FAM118A: variants seen among roughly 807,000 people sequenced by gnomAD.
FAM118A encodes SIR2 antiphage like 2, also known as protein FAM118A.
FAM118A carries 25 observed loss-of-function variants against 38.2 expected under a neutral mutation model. The ratio of observed to expected loss-of-function variants is 0.65; its 90% CI spans 0.48 to 0.91. The LOEUF (loss-of-function observed/expected upper bound fraction) is 0.91. Among genes scored for constraint, FAM118A ranks in the 40% least tolerant of loss-of-function variants. FAM118A has a pLI of 0.00. For synonymous variants in FAM118A, 178 were observed against 184.1 expected (o/e 0.97, Z 0.27); for missense variants, 425 against 463.3 (o/e 0.92, Z 0.76).
intron 3 of FAM118A, among the ~76,000 whole-genome samples, chr22:45,326,823 TCAAAAAAAA>T (rs2085302216): frequency 1.2e-5 from 1 of 82,298 alleles, no homozygotes; most frequent in African/African-American, 5.8e-5. Flanking sequence ...AGACTCTGTC[TCAAAAAAAA>T]AAAAAAAAAA....
intron 3 of FAM118A, among the ~76,000 whole-genome samples, chr22:45,327,294 G>A (rs961217287): frequency 4.0e-5 from 6 of 151,712 alleles, no homozygotes; most frequent in Admixed American, 1.3e-4. Flanking sequence ...AAGGTGCCAC[G>A]AAGACACGCT....
At chr22:45,337,600 T>G (rs570101546) in intron 8 of FAM118A, among the ~76,000 whole-genome samples, 1 of 152,052 alleles carries the variant, frequency 6.6e-6, no homozygotes, top group African/African-American at 2.4e-5. Context: ...AATAAGAAAT[T>G]TTTTTTTAAA....
intron 1 of FAM118A, among the ~76,000 whole-genome samples, chr22:45,311,242 C>T (rs1366069881): frequency 6.6e-6 from 1 of 152,186 alleles, no homozygotes; most frequent in Non-Finnish European, 1.5e-5. Flanking sequence ...GCCAGTATGT[C>T]AAAAGGCAGA....
At chr22:45,329,534 C>G (rs1360403272) in intron 4 of FAM118A, 1 of 152,246 alleles carries the variant, frequency 6.6e-6, no homozygotes, top group Admixed American at 6.5e-5. Context: ...TGTGTGTCTG[C>G]TTATGTTATT....
At chr22:45,320,075 G>A (rs148691700) in intron 1 of FAM118A, among the ~76,000 whole-genome samples, 1 of 152,330 alleles carries the variant, frequency 6.6e-6, no homozygotes, top group Non-Finnish European at 1.5e-5. Flanking sequence ...CTTATGGACT[G>A]ATTAAGCCTT....
chr22:45,313,069 G>A (rs1453393127), intron 1 of FAM118A, among the ~76,000 whole-genome samples: 2 of 152,028 alleles, frequency 1.3e-5, no homozygotes, highest in Middle Eastern at 3.2e-3. Context: ...AGCTGCCCAG[G>A]GCCTATCTGC....
Position 45,332,645 on chromosome 22 carries a change from G to C in FAM118A, c.872G>C (p.Cys291Ser), listed in dbSNP as rs186448928. Reference protein sequence around the residue: ...HGIKVVSYGDCFDHFPGYVQD... With the variant: ...HGIKVVSYGDSFDHFPGYVQD... ...ATCAAAGTTGTATCCTACGGGGACT[G>C]TTTTGACCACTTTCCAGGATATGTG... Residue 291 changes from cysteine (C) to serine (S), a missense_variant, in exon 6 of 9, where the codon TGT becomes TCT. Physicochemically the swap from Cys to Ser is moderately radical, Grantham distance 112. Coordinates refer to ENST00000441876, the MANE Select transcript of FAM118A (RefSeq NM_017911.4). 1 of 1,614,184 alleles carries C rather than the reference G, an allele frequency of 6.2e-7. No individual in the cohort carries two copies. The highest frequency in any genetic ancestry group is 2.2e-5 in the East Asian group (1 of 44,896).
At chr22:45,313,804 T>A (rs932158912) in intron 1 of FAM118A, among the ~76,000 whole-genome samples, 4 of 152,220 alleles carry the variant, frequency 2.6e-5, no homozygotes, top group African/African-American at 9.7e-5. Flanking sequence ...CAGTACACAC[T>A]GGCCGCTTGT....
intron 8 of FAM118A, 114 bp downstream of exon 8, chr22:45,336,525 C>T: frequency 8.0e-6 from 6 of 749,138 alleles, no homozygotes; most frequent in South Asian, 6.9e-5. Flanking sequence ...GAGGACGGTG[C>T]ATACGTTCTG....
intron 6 of FAM118A, among the ~76,000 whole-genome samples, chr22:45,334,304 G>C (rs1367198779): frequency 6.6e-6 from 1 of 152,136 alleles, no homozygotes; most frequent in Non-Finnish European, 1.5e-5. Context: ...AATTGTAACA[G>C]GAAACCCAGG....
intron 1 of FAM118A, among the ~76,000 whole-genome samples, chr22:45,315,479 C>T (rs912651885): frequency 1.3e-5 from 2 of 152,162 alleles, no homozygotes; most frequent in East Asian, 1.9e-4. Flanking sequence ...GTGGTGCTAG[C>T]GTGAGGCGGT....
intron 6 of FAM118A, among the ~76,000 whole-genome samples, chr22:45,334,812 T>C (rs1601984765): frequency 6.6e-6 from 1 of 152,124 alleles, no homozygotes; most frequent in East Asian, 1.9e-4. Flanking sequence ...AGCGGGCTTT[T>C]CTCATCTCTG....
At chr22:45,338,429 A>G (rs528609116) in intron 8 of FAM118A, among the ~76,000 whole-genome samples, 98 of 152,192 alleles carry the variant, frequency 6.4e-4, no homozygotes, top group African/African-American at 2.2e-3. Flanking sequence ...GGGTTTCACT[A>G]TGTTGGCCAG....
chr22:45,333,954 C>G lies in FAM118A; in HGVS notation c.937+1244C>G, dbSNP rs559673396. 3.9e-5 allele frequency among the ~76,000 whole-genome samples: 6 copies of G among 152,334 alleles called. No individual in the cohort carries two copies. The South Asian group carries it at 1.2e-3, about 32-fold the overall frequency. On this transcript the variant is annotated intron_variant, in intron 6 of 8. Coordinates refer to ENST00000441876, the MANE Select transcript of FAM118A (RefSeq NM_017911.4). ...CCAAGAAGGAAAACTACCAGGCTAG[C>G]TTTATCAGTTGTGATACTTAACACT...
intron 5 of FAM118A, 88 bp downstream of exon 5, chr22:45,330,819 G>A (rs953833881): frequency 1.5e-6 from 2 of 1,377,014 alleles, no homozygotes; most frequent in African/African-American, 3.0e-5. Context: ...TGGCTTCCCA[G>A]GCTCCAGGCG....
Position 45,335,382 on chromosome 22 carries a change from G to T in FAM118A, c.970G>T (p.Gly324Cys). The T allele has an allele frequency of 6.2e-7, 1 of 1,614,136 alleles. No individual in the cohort carries two copies. The highest frequency in any genetic ancestry group is 2.2e-5 in the East Asian group (1 of 44,882). Residue 324 changes from glycine (G) to cysteine (C), a missense_variant and splice_region_variant, in exon 7 of 9, where the codon GGT (glycine) becomes TGT (cysteine). Transcript: ENST00000441876. ...TCGCGTGGACAGCACCACATTATTGGGTAAAGCAGATCTTTCTTCTTGCCA... is the reference window on the plus strand; with the variant it reads ...TCGCGTGGACAGCACCACATTATTGTGTAAAGCAGATCTTTCTTCTTGCCA... ...ADRVDSTTLLGNACQDCAKRK... is the reference protein window; with the variant it reads ...ADRVDSTTLLCNACQDCAKRK...
intron 3 of FAM118A, among the ~76,000 whole-genome samples, chr22:45,326,134 G>C (rs1278245191): frequency 6.6e-6 from 1 of 152,156 alleles, no homozygotes; most frequent in Non-Finnish European, 1.5e-5. Context: ...CAATGAGGCT[G>C]GGAGCCGGGC....
rs1484737651 is a variant in FAM118A, at chr22:45,341,656, C to T, written c.*1251C>T. 1 of 152,196 alleles carries T rather than the reference C, an allele frequency of 6.6e-6. No homozygotes were observed. The highest frequency in any genetic ancestry group is 1.5e-5 in the Non-Finnish European group (1 of 68,092). The allele number at this position is 152,196 out of a possible 1,614,324, so 9.4% of individuals were successfully genotyped here. On this transcript the variant is annotated 3_prime_UTR_variant, in exon 9 of 9. Transcript: ENST00000441876. Reference sequence around the variant, plus strand: ...CCCGGGGAGCTTCTCTGACTGTGACCCGGCAGAGGCTTCTGTGGCGGTGCA... The same window carrying T: ...CCCGGGGAGCTTCTCTGACTGTGACTCGGCAGAGGCTTCTGTGGCGGTGCA...
intron 4 of FAM118A, chr22:45,328,442 T>A: frequency 1.1e-6 from 1 of 949,132 alleles, no homozygotes; most frequent in Non-Finnish European, 1.8e-6. Flanking sequence ...TTCTGTGCCC[T>A]GGGAGCTGCT....
Sources: gnomAD v4.1 joint callset for allele counts (sites outside exome capture counted in the v4.1 genomes callset) on GRCh38, gnomAD v4.1.1 for gene constraint, MANE v1.5 for transcripts, NCBI Gene and HGNC (gene_info 2026-07-23, HGNC 2026-07-21) for gene names.